PPP1R9A: variants seen among roughly 807,000 people sequenced by gnomAD.
The protein encoded by PPP1R9A is protein phosphatase 1 regulatory subunit 9A.
Under a neutral mutation model 141.9 loss-of-function variants are expected in PPP1R9A, and 59 were observed. The ratio of observed to expected loss-of-function variants is 0.42; its 90% confidence interval spans 0.34 to 0.52. The LOEUF is 0.52. Ranked by LOEUF, PPP1R9A falls within the 20% of genes least tolerant of loss-of-function variation. The probability of loss-of-function intolerance (pLI) is 0.10; values close to 1 mark genes in which losing one functional copy is unlikely to be tolerated. For synonymous variants in PPP1R9A, 500 were observed against 569.7 expected, an observed-to-expected ratio of 0.88 and a Z score of 1.74; for missense variants, 1,444 against 1,611.9, an observed-to-expected ratio of 0.90 and a Z score of 1.78.
At chr7:95,039,325 T>C (rs1467153579) in intron 2 of PPP1R9A, among the ~76,000 whole-genome samples, 3 of 151,984 alleles carry the variant, frequency 2.0e-5, no homozygotes, top group Non-Finnish European at 2.9e-5. Context: ...ATCCAGCACT[T>C]TGGGAGGCTG....
At chr7:94,986,773 G>C (rs888854058) in intron 2 of PPP1R9A, among the ~76,000 whole-genome samples, 1 of 152,170 alleles carries the variant, frequency 6.6e-6, no homozygotes, top group African/African-American at 2.4e-5. Context: ...AAGGGAAAAA[G>C]AAATAGATTT....
At chr7:94,981,650 G>A (rs987297351) in intron 2 of PPP1R9A, among the ~76,000 whole-genome samples, 1 of 152,188 alleles carries the variant, frequency 6.6e-6, no homozygotes, top group Non-Finnish European at 1.5e-5. Context: ...ATTTTCAGGT[G>A]AAGTCTTCAT....
chr7:95,007,938 G>T (rs1459431198), intron 2 of PPP1R9A, among the ~76,000 whole-genome samples: 1 of 152,058 alleles, frequency 6.6e-6, no homozygotes, highest in Admixed American at 6.5e-5. Context: ...TGGGCGTGGT[G>T]GTGCATGCCT....
At chr7:95,024,920 ATTCC>A (rs1474914490) in intron 2 of PPP1R9A, among the ~76,000 whole-genome samples, 2 of 152,152 alleles carry the variant, frequency 1.3e-5, no homozygotes, top group Non-Finnish European at 2.9e-5. Context: ...CGTATCGATT[ATTCC>A]TTTCCAAGTT....
intron 5 of PPP1R9A, among the ~76,000 whole-genome samples, chr7:95,187,347 G>A (rs1039504392): frequency 1.3e-5 from 2 of 152,022 alleles, no homozygotes; most frequent in African/African-American, 4.8e-5. Context: ...TATTTCTGTG[G>A]TATTGGTTGC....
chr7:95,022,522 A>C (rs146380608), intron 2 of PPP1R9A, among the ~76,000 whole-genome samples: 5 of 152,148 alleles, frequency 3.3e-5, no homozygotes, highest in Non-Finnish European at 5.9e-5. Flanking sequence ...TATATTGAAT[A>C]GTAGTGGTAA....
At chr7:94,999,581 A>G (rs1441388285) in intron 2 of PPP1R9A, among the ~76,000 whole-genome samples, 2 of 152,202 alleles carry the variant, frequency 1.3e-5, no homozygotes, top group African/African-American at 4.8e-5. Flanking sequence ...AGTCTTAGAA[A>G]GGTTTCCTTT....
chr7:95,258,628 G>T (rs1435328899), intron 12 of PPP1R9A, among the ~76,000 whole-genome samples: 1 of 152,076 alleles, frequency 6.6e-6, no homozygotes, highest in Non-Finnish European at 1.5e-5. Flanking sequence ...AAAAAATATT[G>T]TTGTCCACAA....
intron 2 of PPP1R9A, among the ~76,000 whole-genome samples, chr7:95,041,855 C>A (rs144170537): frequency 1.3e-5 from 2 of 151,924 alleles, no homozygotes; most frequent in Non-Finnish European, 2.9e-5. Context: ...AGTGAGACTT[C>A]CAGAACCTGT....
chr7:95,287,101 C>T (rs1285081781), intron 18 of PPP1R9A: 1 of 1,611,442 alleles, frequency 6.2e-7, no homozygotes, highest in South Asian at 1.1e-5. Context: ...TTATTGCTCC[C>T]TCACTCAGAG....
intron 2 of PPP1R9A, among the ~76,000 whole-genome samples, chr7:94,985,697 T>A (rs1800740177): frequency 6.6e-6 from 1 of 152,164 alleles, no homozygotes; most frequent in Non-Finnish European, 1.5e-5. Context: ...TCTTCCTCCG[T>A]CCCTTTATTT....
chr7:94,994,980 C>T (rs1167208709), intron 2 of PPP1R9A, among the ~76,000 whole-genome samples: 2 of 151,882 alleles, frequency 1.3e-5, no homozygotes, highest in African/African-American at 4.8e-5. Flanking sequence ...CTCACATGGT[C>T]ATAATATATT....
At chr7:95,072,802 A>T (rs1563197052) in intron 2 of PPP1R9A, among the ~76,000 whole-genome samples, 1 of 94,576 alleles carries the variant, frequency 1.1e-5, no homozygotes, top group East Asian at 2.3e-4. Context: ...TTATATTTAT[A>T]ATTATTATAT....
intron 2 of PPP1R9A, among the ~76,000 whole-genome samples, chr7:95,074,563 C>T (rs1814550826): frequency 6.6e-6 from 1 of 151,744 alleles, no homozygotes; most frequent in South Asian, 2.1e-4. Context: ...CAACCTCTGC[C>T]TCCCAGGTTC....
chr7:94,924,833 C>T (rs1793272386), intron 2 of PPP1R9A, among the ~76,000 whole-genome samples: 2 of 152,042 alleles, frequency 1.3e-5, no homozygotes, highest in Admixed American at 6.6e-5. Context: ...TCTGGCCTAC[C>T]AAACGAAATT....
chr7:94,929,677 T>G (rs942065063), intron 2 of PPP1R9A, among the ~76,000 whole-genome samples: 1 of 152,058 alleles, frequency 6.6e-6, no homozygotes, highest in African/African-American at 2.4e-5. Flanking sequence ...GGAGGGGGTT[T>G]TGAGCATGGA....
At chr7:95,249,950 A>C in intron 9 of PPP1R9A, 76 bp from the exon 10 acceptor site, 1 of 1,469,612 alleles carries the variant, frequency 6.8e-7, no homozygotes, top group Non-Finnish European at 9.0e-7. Context: ...CTTGATCTAC[A>C]ACATGCTATA....
intron 2 of PPP1R9A, among the ~76,000 whole-genome samples, chr7:95,075,105 G>A (rs768989722): frequency 2.0e-5 from 3 of 151,978 alleles, no homozygotes; most frequent in Admixed American, 2.0e-4. Context: ...GTTCATTTGT[G>A]CCATGAATAA....
chr7:95,202,582 G>A, intron 6 of PPP1R9A: 1 of 905,732 alleles, frequency 1.1e-6, no homozygotes, highest in Non-Finnish European at 1.3e-6. Flanking sequence ...TTGCCATGGA[G>A]GATTTCAATA....
Sources: allele counts gnomAD v4.1 joint callset (sites outside exome capture counted in the v4.1 genomes callset), GRCh38; gene constraint gnomAD v4.1.1; transcripts MANE v1.5; gene names NCBI Gene and HGNC (gene_info 2026-07-23, HGNC 2026-07-21).